Variants in PUS7 observed in about 807,000 individuals in gnomAD.
The protein encoded by PUS7 is pseudouridylate synthase 7 homolog.
In PUS7, 48 loss-of-function variants were observed where a neutral mutation model predicts 79.8. That is an observed-to-expected ratio of 0.60 (90% CI 0.48 to 0.76). The LOEUF (loss-of-function observed/expected upper bound fraction) is 0.76, where lower values mean the gene tolerates loss of function less well. Ranked by LOEUF, PUS7 falls within the 30% of genes least tolerant of loss-of-function variation. The pLI is 0.00. For synonymous variants in PUS7, 286 were observed against 272.2 expected (o/e 1.05, Z -0.50); for missense variants, 729 against 797.6 (o/e 0.91, Z 1.04).
At chr7:105,458,922 G>C (rs1007316039) in intron 15 of PUS7, among the ~76,000 whole-genome samples, 1 of 152,018 alleles carries the variant, frequency 6.6e-6, no homozygotes, top group Non-Finnish European at 1.5e-5. Context: ...GTCTCTGTGG[G>C]GGATGGGGAG....
At chr7:105,521,828 G>A (rs1231123893) in intron 1 of PUS7, among the ~76,000 whole-genome samples, 1 of 151,802 alleles carries the variant, frequency 6.6e-6, no homozygotes, top group East Asian at 2.0e-4. Context: ...GGGGAGCGGA[G>A]AGCGGCGCCT....
At chr7:105,518,821 T>C (rs796945975) in intron 1 of PUS7, among the ~76,000 whole-genome samples, 75 of 152,212 alleles carry the variant, frequency 4.9e-4, no homozygotes, top group African/African-American at 1.7e-3. Context: ...CAGGCTGGAG[T>C]GCAGTGGCGC....
intron 1 of PUS7, among the ~76,000 whole-genome samples, chr7:105,515,483 C>T (rs11764594): frequency 0.1 from 15,336 of 152,144 alleles, 1,003 homozygotes; most frequent in East Asian, 0.17. Context: ...CTTTAGGTTG[C>T]CAGTCTTTTT....
intron 4 of PUS7, 41 bp downstream of exon 4, chr7:105,505,914 A>C (rs2133241491): frequency 1.3e-6 from 2 of 1,512,268 alleles, no homozygotes; most frequent in East Asian, 4.5e-5. Context: ...AAAAGCAACT[A>C]AAACCCTAAA....
At chr7:105,496,240 G>GAGAT in intron 5 of PUS7, among the ~76,000 whole-genome samples, 1 of 37,252 alleles carries the variant, frequency 2.7e-5, no homozygotes, top group African/African-American at 1.2e-4. Flanking sequence ...GAGAGAGAGA[G>GAGAT]AGAGAGAGAG....
At position 105,457,102 on chromosome 7, in the gene PUS7, T is replaced by G. The variant is rs2133002288; in HGVS notation, c.*688A>C. The G allele has an allele frequency of 6.6e-6, 1 of 151,890 alleles. No individual in the cohort carries two copies. Among genetic ancestry groups the G allele is most frequent in the South Asian group, 2.1e-4 (1 of 4,820 alleles). 9.4% of individuals were successfully genotyped at this position (151,890 alleles called of 1,614,324 possible). Reference sequence around the variant, plus strand: ...AAGATTGAGAATTGCAGGATTGCACTGCAATCCAGCCTGTGCTACAGAGTG... The same window carrying G: ...AAGATTGAGAATTGCAGGATTGCACGGCAATCCAGCCTGTGCTACAGAGTG... On this transcript the variant is annotated 3_prime_UTR_variant, in exon 16 of 16. Transcript: ENST00000469408.
intron 15 of PUS7, among the ~76,000 whole-genome samples, chr7:105,458,723 G>A (rs997795841): frequency 3.3e-5 from 5 of 151,566 alleles, no homozygotes; most frequent in Non-Finnish European, 7.4e-5. Flanking sequence ...ACAGGAACCC[G>A]CCACCACACC....
Position 105,470,831 on chromosome 7 carries a change from C to T in PUS7, c.1255G>A (p.Val419Ile). 2 of 1,595,990 alleles carry T rather than the reference C, an allele frequency of 1.3e-6. No homozygotes were observed. The highest frequency in any genetic ancestry group is 1.7e-6 in the Non-Finnish European group (2 of 1,168,154). Residue 419 changes from valine to isoleucine, a missense_variant, in exon 11 of 16, where the codon GTT becomes ATT. By Grantham distance (29) the Val-to-Ile change is conservative. Transcript: ENST00000469408. Reference protein sequence around the residue: ...PRSGAEKGYLVKCREEWAKTK... With the variant: ...PRSGAEKGYLIKCREEWAKTK... ...TTTGCCCATTCTTCTCTGCATTTAA[C>T]CAAGTAGCCCTTTTCAGCTGCGGGG...
intron 15 of PUS7, 90 bp downstream of exon 15, chr7:105,459,078 C>T: frequency 1.5e-6 from 1 of 677,916 alleles, no homozygotes; most frequent in Non-Finnish European, 2.5e-6. Context: ...GGTGGTAGTG[C>T]TTGTAAGAGC....
chr7:105,480,144 CT>C (rs1824261537), intron 9 of PUS7, among the ~76,000 whole-genome samples: 1 of 152,172 alleles, frequency 6.6e-6, no homozygotes. Flanking sequence ...TGTTGAATCA[CT>C]TACTGAGCCA....
chr7:105,473,008 G>A (rs952167043), intron 9 of PUS7, among the ~76,000 whole-genome samples: 1 of 144,420 alleles, frequency 6.9e-6, no homozygotes, highest in Non-Finnish European at 1.5e-5. Flanking sequence ...TGACCCACCC[G>A]CCTTGGTCTC....
Position 105,481,150 on chromosome 7 carries a change from T to C in PUS7, c.1077A>G (p.Val359=), listed in dbSNP as rs1246730893. The change falls in exon 9 of 16, where the codon GTA becomes GTG. Residue 359 remains valine (V), a synonymous_variant. Transcript: ENST00000469408. ...CCTTGAGAGAGTTCATAGCTTGCTGTACTTGGTCATCAGTTCCTGTTATAT... is the reference window on the plus strand; with the variant it reads ...CCTTGAGAGAGTTCATAGCTTGCTGCACTTGGTCATCAGTTCCTGTTATAT... ...LRNITGTDDQ[V]QQAMNSLKEI... is the part of the protein sequence containing the mutation. 1 of 1,610,608 alleles carries C rather than the reference T, an allele frequency of 6.2e-7. No homozygotes were observed. The highest frequency in any genetic ancestry group is 1.1e-5 in the South Asian group (1 of 90,104).
At chr7:105,519,495 T>A (rs910889933) in intron 1 of PUS7, among the ~76,000 whole-genome samples, 1 of 152,170 alleles carries the variant, frequency 6.6e-6, no homozygotes, top group Admixed American at 6.6e-5. Context: ...GCTGCCTGCC[T>A]CGGCCTCCCA....
At chr7:105,485,197 G>A (rs1824494225) in intron 7 of PUS7, among the ~76,000 whole-genome samples, 1 of 151,368 alleles carries the variant, frequency 6.6e-6, no homozygotes, top group African/African-American at 2.4e-5. Context: ...GTAGAGTACT[G>A]TTTTTTGTTG....
chr7:105,519,393 C>G (rs1168284651), intron 1 of PUS7, among the ~76,000 whole-genome samples: 1 of 152,098 alleles, frequency 6.6e-6, no homozygotes, highest in African/African-American at 2.4e-5. Flanking sequence ...GCTAAAATTA[C>G]CACATCCAGC....
intron 5 of PUS7, among the ~76,000 whole-genome samples, chr7:105,496,226 T>TAGAGAGAGAGAG (rs1220535538): frequency 2.0e-4 from 16 of 81,136 alleles, no homozygotes; most frequent in African/African-American, 5.2e-4. Flanking sequence ...TATATATATA[T>TAGAGAGAGAGAG]AGAGAGAGAG....
chr7:105,492,594 C>T (rs1824838093), intron 6 of PUS7, among the ~76,000 whole-genome samples: 1 of 149,040 alleles, frequency 6.7e-6, no homozygotes, highest in Admixed American at 6.7e-5. Context: ...CAAGCTCCGC[C>T]TCCCGGGTTC....
At chr7:105,515,178 A>G (rs557586588) in intron 1 of PUS7, among the ~76,000 whole-genome samples, 83 of 152,292 alleles carry the variant, frequency 5.5e-4, no homozygotes, top group African/African-American at 2.0e-3. Context: ...AAACCGTATG[A>G]CAGAAAACCC....
In PUS7 at chr7:105,508,462, A is replaced by G. The variant is rs1454096681; in HGVS notation, c.51T>C (p.Val17=). The G allele has an allele frequency of 6.2e-7, 1 of 1,614,142 alleles. No homozygotes were observed. Among genetic ancestry groups the G allele is most frequent in the East Asian group, 2.2e-5 (1 of 44,888 alleles). ...GGACTCCACTGTCATTATCTTCGAC[A>G]ACCAGTGCCCCACGTTTCAGCGACA... ...TGVSLKRGAL[V]VEDNDSGVPV... Residue 17 remains valine, a synonymous_variant, in exon 2 of 16, where the codon GTT becomes GTC. Coordinates refer to ENST00000469408, the MANE Select transcript of PUS7 (RefSeq NM_019042.5).
Sources: allele counts gnomAD v4.1 joint callset (sites outside exome capture counted in the v4.1 genomes callset), GRCh38; gene constraint gnomAD v4.1.1; transcripts MANE v1.5; gene names NCBI Gene and HGNC (gene_info 2026-07-23, HGNC 2026-07-21).